Variants in ADAMTSL3 observed in about 807,000 individuals in gnomAD.
ADAMTSL3 encodes the protein ADAMTS-like protein 3.
ADAMTSL3 carries 128 observed loss-of-function variants against 201.7 expected under a neutral mutation model. That is an observed-to-expected ratio of 0.63 (90% CI 0.55 to 0.73). The LOEUF (loss-of-function observed/expected upper bound fraction) is 0.73. Ranked by LOEUF, ADAMTSL3 falls within the 30% of genes least tolerant of loss-of-function variation. The pLI is 0.00. For missense variants in ADAMTSL3, 1,990 were observed against 2,119.6 expected (o/e 0.94, Z 1.20); for synonymous variants, 738 against 748.4 (o/e 0.99, Z 0.23).
intron 7 of ADAMTSL3, among the ~76,000 whole-genome samples, chr15:83,857,789 ACT>A (rs769160719): frequency 7.0e-4 from 106 of 152,220 alleles, no homozygotes; most frequent in African/African-American, 5.3e-4. Context: ...CACTAATTTC[ACT>A]CTGGAGAGTT....
rs117974300 is a variant in ADAMTSL3 at position 83,948,553 on chromosome 15, T to C, written c.2490+5471T>C. 2.8e-3 allele frequency among the ~76,000 whole-genome samples: 422 copies of C among 152,248 alleles called. 1 individual carries two copies. The highest frequency in any genetic ancestry group is 4.1e-3 in the Non-Finnish European group (278 of 68,006). ...TTGATACAAAGTCTAAGAAACTTGG[T>C]TGGGCTTCCTTAAGACATTTTTTAT... On this transcript the variant is annotated intron_variant, in intron 19 of 29. Transcript: ENST00000286744.
At chr15:83,669,127 C>G (rs2061288714) in intron 2 of ADAMTSL3, among the ~76,000 whole-genome samples, 1 of 152,096 alleles carries the variant, frequency 6.6e-6, no homozygotes, top group African/African-American at 2.4e-5. Context: ...TTCTGTATCT[C>G]TGTGTGTTGG....
intron 2 of ADAMTSL3, among the ~76,000 whole-genome samples, chr15:83,702,950 G>T (rs773990391): frequency 6.6e-6 from 1 of 152,120 alleles, no homozygotes; most frequent in Non-Finnish European, 1.5e-5. Context: ...ACGCCTGCCT[G>T]TGAAAACAGC....
chr15:83,996,685 G>T (rs2067692555), intron 23 of ADAMTSL3, among the ~76,000 whole-genome samples: 1 of 149,208 alleles, frequency 6.7e-6, no homozygotes, highest in African/African-American at 2.5e-5. Flanking sequence ...GGAGGCTGAG[G>T]CAGGAGAATG....
chr15:83,840,857 C>T (rs1454969947), intron 7 of ADAMTSL3, among the ~76,000 whole-genome samples: 3 of 152,198 alleles, frequency 2.0e-5, no homozygotes, highest in African/African-American at 7.2e-5. Context: ...CTGGAGTAGG[C>T]AGCTAAGGCT....
intron 5 of ADAMTSL3, among the ~76,000 whole-genome samples, chr15:83,808,428 T>C (rs1402565011): frequency 2.0e-5 from 3 of 152,082 alleles, no homozygotes; most frequent in Non-Finnish European, 4.4e-5. Flanking sequence ...TCAAAACCAC[T>C]ATATCACCTC....
chr15:83,828,922 G>A (rs527919062), intron 6 of ADAMTSL3, among the ~76,000 whole-genome samples: 1 of 152,172 alleles, frequency 6.6e-6, no homozygotes, highest in Non-Finnish European at 1.5e-5. Flanking sequence ...GCTGGATTTG[G>A]TTTGCCAGAA....
At chr15:83,691,872 C>A (rs924215010) in intron 2 of ADAMTSL3, among the ~76,000 whole-genome samples, 2 of 152,286 alleles carry the variant, frequency 1.3e-5, no homozygotes, top group African/African-American at 4.8e-5. Flanking sequence ...CTTTGGCCTC[C>A]CAAAGTGCTG....
chr15:83,711,721 T>G (rs1222658858), intron 3 of ADAMTSL3, among the ~76,000 whole-genome samples: 1 of 152,268 alleles, frequency 6.6e-6, no homozygotes. Flanking sequence ...CTGTTCTGAT[T>G]GACTGTGTCA....
At chr15:83,758,188 G>C (rs2062751383) in intron 3 of ADAMTSL3, among the ~76,000 whole-genome samples, 1 of 152,150 alleles carries the variant, frequency 6.6e-6, no homozygotes, top group South Asian at 2.1e-4. Context: ...TCATGCTGCT[G>C]ATAAAGACAT....
chr15:83,702,843 G>T (rs1301289545), intron 2 of ADAMTSL3, among the ~76,000 whole-genome samples: 2 of 152,210 alleles, frequency 1.3e-5, no homozygotes, highest in Non-Finnish European at 2.9e-5. Context: ...GCACTGCCTA[G>T]TGGAGCTGTG....
intron 2 of ADAMTSL3, among the ~76,000 whole-genome samples, chr15:83,673,607 G>GT (rs1456944027): frequency 5.9e-5 from 9 of 152,128 alleles, no homozygotes; most frequent in Admixed American, 3.9e-4. Flanking sequence ...GATGTTAACA[G>GT]TTTTTTTTCC....
chr15:83,998,421 C>A (rs1341777682), intron 23 of ADAMTSL3, among the ~76,000 whole-genome samples: 1 of 152,026 alleles, frequency 6.6e-6, no homozygotes, highest in Non-Finnish European at 1.5e-5. Flanking sequence ...TGCACTCCAG[C>A]CTGGGCGACA....
At chr15:83,980,732 C>G (rs1348741960) in intron 20 of ADAMTSL3, among the ~76,000 whole-genome samples, 2 of 152,206 alleles carry the variant, frequency 1.3e-5, no homozygotes, top group Non-Finnish European at 2.9e-5. Context: ...ATGTCCTTCA[C>G]TGAGAACATT....
intron 4 of ADAMTSL3, among the ~76,000 whole-genome samples, chr15:83,779,404 A>G (rs1471550978): frequency 6.6e-6 from 1 of 152,192 alleles, no homozygotes; most frequent in African/African-American, 2.4e-5. Context: ...CTGAAATCAT[A>G]AAAAACAATC....
chr15:83,700,731 T>G (rs1427932345), intron 2 of ADAMTSL3, among the ~76,000 whole-genome samples: 1 of 152,096 alleles, frequency 6.6e-6, no homozygotes, highest in East Asian at 1.9e-4. Context: ...GTCACTCAAT[T>G]CCAGCCTGGG....
intron 4 of ADAMTSL3, among the ~76,000 whole-genome samples, chr15:83,781,255 A>G (rs1211596918): frequency 6.6e-6 from 1 of 152,232 alleles, no homozygotes; most frequent in Non-Finnish European, 1.5e-5. Flanking sequence ...TACTGGTGCA[A>G]AGATGGACAC....
At chr15:83,761,711 C>G (rs765639043) in intron 3 of ADAMTSL3, among the ~76,000 whole-genome samples, 3 of 152,130 alleles carry the variant, frequency 2.0e-5, no homozygotes, top group Non-Finnish European at 4.4e-5. Flanking sequence ...AGATAATATC[C>G]TATTAAATCT....
At chr15:83,920,124 T>G (rs900833136) in intron 16 of ADAMTSL3, among the ~76,000 whole-genome samples, 3 of 152,226 alleles carry the variant, frequency 2.0e-5, no homozygotes, top group Non-Finnish European at 4.4e-5. Flanking sequence ...CTATTTTGCA[T>G]AGTGGAGTAC....
Sources: allele counts gnomAD v4.1 joint callset (sites outside exome capture counted in the v4.1 genomes callset), GRCh38; gene constraint gnomAD v4.1.1; transcripts MANE v1.5; gene names NCBI Gene and HGNC (gene_info 2026-07-23, HGNC 2026-07-21).